The following CHST8 variants were observed in gnomAD, a reference collection of about 807,000 sequenced individuals.
CHST8 encodes the protein GALNAC-4-ST1.
Under a neutral mutation model 15.0 loss-of-function variants are expected in CHST8, and 10 were observed. That is an observed-to-expected ratio of 0.67 (90% CI 0.41 to 1.13). The LOEUF (loss-of-function observed/expected upper bound fraction) is 1.13, where lower values mean the gene tolerates loss of function less well. Ranked by LOEUF, CHST8 falls within the 50% of genes most tolerant of loss-of-function variation. The pLI, the probability that CHST8 is intolerant of heterozygous loss-of-function variation, is 0.00. For missense variants in CHST8, 634 were observed against 608.2 expected (o/e 1.04, Z -0.45); for synonymous variants, 259 against 256.6 (o/e 1.01, Z -0.09).
chr19:33,695,319 G>A (rs1056007869), intron 3 of CHST8, among the ~76,000 whole-genome samples: 4 of 152,176 alleles, frequency 2.6e-5, no homozygotes, highest in Non-Finnish European at 4.4e-5. Context: ...AGACACAGAA[G>A]TAGCAACAAT....
At chr19:33,771,324 G>T (rs1333390693) in intron 3 of CHST8, 89 bp from the exon 4 acceptor site, 2 of 1,311,594 alleles carry the variant, frequency 1.5e-6, no homozygotes, top group Non-Finnish European at 2.2e-6. Context: ...CTCCAGCCTG[G>T]ATGTCCACAG....
intron 1 of CHST8, among the ~76,000 whole-genome samples, chr19:33,627,952 G>A (rs1972077345): frequency 6.6e-6 from 1 of 152,144 alleles, no homozygotes; most frequent in Admixed American, 6.5e-5. Flanking sequence ...TAAAAAAAAT[G>A]ACTAATGTGT....
chr19:33,740,087 G>A (rs559595511), intron 3 of CHST8, among the ~76,000 whole-genome samples: 2 of 152,250 alleles, frequency 1.3e-5, no homozygotes, highest in Admixed American at 6.5e-5. Flanking sequence ...CAGGATGCCT[G>A]CAAGTTTTCC....
intron 1 of CHST8, among the ~76,000 whole-genome samples, chr19:33,622,928 G>A (rs915479519): frequency 6.6e-6 from 1 of 152,164 alleles, no homozygotes; most frequent in African/African-American, 2.4e-5. Context: ...GTCGGAGCCT[G>A]GGGCGGCTCC....
intron 1 of CHST8, among the ~76,000 whole-genome samples, chr19:33,623,238 C>T (rs1972009203): frequency 6.6e-6 from 1 of 152,196 alleles, no homozygotes; most frequent in African/African-American, 2.4e-5. Flanking sequence ...GCGCTGCTGC[C>T]CGGCTGTCTG....
intron 1 of CHST8, among the ~76,000 whole-genome samples, chr19:33,660,815 T>C (rs1164785285): frequency 6.6e-6 from 1 of 152,236 alleles, no homozygotes; most frequent in Non-Finnish European, 1.5e-5. Context: ...GTGCACTGCC[T>C]GTGAGTTAGC....
rs1568359109 is a variant in CHST8, at chr19:33,757,588, GAAAGAAAGAAAGAAAGA to G, written c.131-13824_131-13808del. On this transcript the variant is annotated intron_variant, in intron 3 of 4. Transcript: ENST00000650847. Reference sequence around the variant, plus strand: ...AGAAAGAAAGAAAGAAAGAAAGAAAGAAAGAAAGAAAGAAAGAGCCGGCCATTCAGAAGGGAGCAGAA... The same window carrying G: ...AGAAAGAAAGAAAGAAAGAAAGAAAGGCCGGCCATTCAGAAGGGAGCAGAA... 6.4e-5 allele frequency among the ~76,000 whole-genome samples: 9 copies of G among 141,468 alleles called. 1 individual carries two copies. Among genetic ancestry groups the G allele is most frequent in the African/African-American group, 2.4e-4 (9 of 38,114 alleles). The allele number at this position is 141,468 out of a possible 152,430, so 92.8% of individuals were successfully genotyped here. A position where few individuals can be genotyped will look rare whatever the true frequency, so the allele number is the denominator to read the frequency against.
chr19:33,646,740 C>CCT (rs1256248514), intron 1 of CHST8, among the ~76,000 whole-genome samples: 1 of 152,162 alleles, frequency 6.6e-6, no homozygotes, highest in African/African-American at 2.4e-5. Context: ...ATGGTGAACT[C>CCT]CTGTCTCTAC....
intron 3 of CHST8, among the ~76,000 whole-genome samples, chr19:33,746,161 AT>A (rs895684180): frequency 6.6e-6 from 1 of 152,170 alleles, no homozygotes; most frequent in Admixed American, 6.5e-5. Flanking sequence ...CTAAAATAGC[AT>A]TTTTTTAAAA....
At chr19:33,743,656 C>T (rs1165521424) in intron 3 of CHST8, among the ~76,000 whole-genome samples, 3 of 152,104 alleles carry the variant, frequency 2.0e-5, no homozygotes, top group Non-Finnish European at 4.4e-5. Flanking sequence ...GCTTTCTGCA[C>T]GTATCTGAGA....
chr19:33,703,865 ATTTTAT>A (rs2145282479), intron 3 of CHST8, among the ~76,000 whole-genome samples: 1 of 152,290 alleles, frequency 6.6e-6, no homozygotes, highest in South Asian at 2.1e-4. Flanking sequence ...TTGAAATTTT[ATTTTAT>A]GTGGGGAAAA....
At position 33,771,355 on chromosome 19, in the gene CHST8, C is replaced by T. The variant is rs1316531230; in HGVS notation, c.131-58C>T. 28 of 1,559,966 alleles carry T rather than the reference C, an allele frequency of 1.8e-5. No individual in the cohort carries two copies. In the Admixed American group the frequency reaches 3.2e-4, roughly 18 times the overall value. The stretch of plus-strand genomic sequence containing the variant: ...CACAGCCAGCAGCCCATAAGCAGTT[C>T]CCTGGGAGCCATGTGGCAGATCCGC... On this transcript the variant is annotated intron_variant, in intron 3 of 4. Transcript: ENST00000650847.
In CHST8 at chr19:33,720,035, CTG is replaced by C. The variant is rs140686849; in HGVS notation, c.130+30647_130+30648del. The stretch of plus-strand genomic sequence containing the variant: ...ACTACATGTTCTCTCCTAGGCAGCA[CTG>C]TGGTGTCGGCAGCCCCGCTGTCTGT... On this transcript the variant is annotated intron_variant, in intron 3 of 4. Transcript: ENST00000650847. Among the ~76,000 whole-genome samples, 411 of 152,236 alleles carry C rather than the reference CTG, an allele frequency of 2.7e-3. 10 individuals carry two copies. The East Asian group carries it at 0.061, about 23-fold the overall frequency.
rs533820491 is a variant in CHST8, at chr19:33,628,147, G to T, written c.-164+5851G>T. ...GCAGGGTTGGTGGGGAGTGTGGGAG[G>T]AAAGGATGGGGAGAGAGAATCCAGC... On this transcript the variant is annotated intron_variant, in intron 1 of 4. Coordinates refer to ENST00000650847, the MANE Select transcript of CHST8 (RefSeq NM_001127895.2). Among the ~76,000 whole-genome samples, 13 of 152,216 alleles carry T rather than the reference G, an allele frequency of 8.5e-5. No individual in the cohort carries two copies. The Middle Eastern group carries it at 0.01, about 119-fold the overall frequency.
At chr19:33,708,039 C>T (rs1973479508) in intron 3 of CHST8, among the ~76,000 whole-genome samples, 1 of 152,056 alleles carries the variant, frequency 6.6e-6, no homozygotes, top group Non-Finnish European at 1.5e-5. Context: ...GCTTATTAGC[C>T]ATTTGGATAT....
intron 1 of CHST8, among the ~76,000 whole-genome samples, chr19:33,628,465 TCA>T (rs1226563320): frequency 3.9e-5 from 6 of 152,348 alleles, no homozygotes; most frequent in Admixed American, 3.9e-4. Flanking sequence ...GGGCTTCCCC[TCA>T]GACATTGGTC....
intron 3 of CHST8, among the ~76,000 whole-genome samples, chr19:33,732,304 C>G (rs961191803): frequency 6.6e-6 from 1 of 152,142 alleles, no homozygotes; most frequent in Non-Finnish European, 1.5e-5. Context: ...CTGTTTTGCC[C>G]CCAGCTGGGC....
In CHST8 at chr19:33,773,071, C is replaced by T. The variant is rs972601813; in HGVS notation, c.*8C>T. The T allele has an allele frequency of 1.9e-6, 3 of 1,579,172 alleles. No homozygotes were observed. The highest frequency in any genetic ancestry group is 2.7e-5 in the African/African-American group (2 of 74,562). ...TTTGCAGATCTGTACTGAGGGGCGC[C>T]GCAGCTGGCCGGGGCCGCCCTGCCC... is the stretch of plus-strand genomic sequence containing the variant. On this transcript the variant is annotated 3_prime_UTR_variant, in exon 5 of 5. Transcript: ENST00000650847.
chr19:33,638,322 A>G (rs1197187741), intron 1 of CHST8, among the ~76,000 whole-genome samples: 4 of 152,148 alleles, frequency 2.6e-5, no homozygotes, highest in Non-Finnish European at 5.9e-5. Flanking sequence ...CCCAAGCTTA[A>G]ACGAAGAAGG....
Sources: gnomAD v4.1 joint callset for allele counts (sites outside exome capture counted in the v4.1 genomes callset) on GRCh38, gnomAD v4.1.1 for gene constraint, MANE v1.5 for transcripts, NCBI Gene and HGNC (gene_info 2026-07-23, HGNC 2026-07-21) for gene names.